Variants in OPHN1 observed in about 807,000 individuals in gnomAD.
The protein encoded by OPHN1 is oligophrenin 1.
A neutral mutation model predicts 60.7 loss-of-function variants in OPHN1; 11 were observed. That is an observed-to-expected ratio of 0.18 (90% CI 0.11 to 0.30). The LOEUF (loss-of-function observed/expected upper bound fraction) is 0.30. Ranked by LOEUF, OPHN1 falls within the 10% of genes least tolerant of loss-of-function variation. The pLI is 1.00. For missense variants in OPHN1, 449 were observed against 611.0 expected (o/e 0.73, Z 2.80); for synonymous variants, 226 against 222.6 (o/e 1.02, Z -0.14).
intron 15 of OPHN1, among the ~76,000 whole-genome samples, chrX:68,177,691 AAG>A (rs1777128410): frequency 9.0e-6 from 1 of 110,723 alleles, no homozygotes; most frequent in African/African-American, 3.3e-5. Context: ...GAATGGGAGG[AAG>A]AGAGAGAGTG....
chrX:68,084,344 A>AGGGGAGAGGGAAGAACGG (rs2076986952), intron 19 of OPHN1, among the ~76,000 whole-genome samples: 1 of 50,722 alleles, frequency 2.0e-5, no homozygotes, highest in African/African-American at 8.3e-5. Flanking sequence ...GGAGGGAGAG[A>AGGGGAGAGGGAAGAACGG]GGGGAGAGGG....
At chrX:68,269,142 C>G (rs927327135) in intron 5 of OPHN1, among the ~76,000 whole-genome samples, 3 of 111,432 alleles carry the variant, frequency 2.7e-5, no homozygotes, top group African/African-American at 9.8e-5. Flanking sequence ...GAATCAATAT[C>G]GTGAAAATGG....
At chrX:68,358,903 C>T (rs1741978796) in intron 2 of OPHN1, among the ~76,000 whole-genome samples, 1 of 111,653 alleles carries the variant, frequency 9.0e-6, no homozygotes, top group African/African-American at 3.3e-5. Context: ...TGGTTCAAAT[C>T]CAAGACTACC....
chrX:68,405,449 C>T (rs1467818333), intron 2 of OPHN1, among the ~76,000 whole-genome samples: 1 of 111,946 alleles, frequency 8.9e-6, no homozygotes, highest in Non-Finnish European at 1.9e-5. Context: ...CCTTGGCCTC[C>T]TAATGTGTTG....
chrX:68,388,745 T>A (rs939909434), intron 2 of OPHN1, among the ~76,000 whole-genome samples: 4 of 111,204 alleles, frequency 3.6e-5, no homozygotes, highest in African/African-American at 1.3e-4. Context: ...GGCATAGATA[T>A]AACAGATTGA....
At chrX:68,243,147 G>A (rs766417413) in intron 5 of OPHN1, among the ~76,000 whole-genome samples, 13 of 111,217 alleles carry the variant, frequency 1.2e-4, no homozygotes, top group Non-Finnish European at 1.9e-4. Context: ...TTACAGTCAT[G>A]AGCCAGCAAG....
chrX:68,153,085 C>A (rs1177555465), intron 15 of OPHN1, among the ~76,000 whole-genome samples: 3 of 107,836 alleles, frequency 2.8e-5, no homozygotes, highest in African/African-American at 1.0e-4. Flanking sequence ...GTGGCGGGTA[C>A]CTGTAGTCCC....
chrX:68,205,969 A>AGTGTGTGTGT (rs1178548038), intron 10 of OPHN1, among the ~76,000 whole-genome samples: 13 of 48,094 alleles, frequency 2.7e-4, no homozygotes, highest in African/African-American at 6.9e-4. Context: ...TGTGTGTGTG[A>AGTGTGTGTGT]GTGTGTGTGA....
At chrX:68,189,500 C>T (rs749460540) in intron 15 of OPHN1, among the ~76,000 whole-genome samples, 1 of 104,132 alleles carries the variant, frequency 9.6e-6, no homozygotes, top group Admixed American at 1.1e-4. Flanking sequence ...TGCTATCCCT[C>T]CCACCTCCCC....
intron 6 of OPHN1, among the ~76,000 whole-genome samples, chrX:68,230,257 G>C (rs1405877402): frequency 9.0e-6 from 1 of 111,152 alleles, no homozygotes; most frequent in African/African-American, 3.3e-5. Context: ...TAAAAAGTCA[G>C]GAAACAACAG....
intron 2 of OPHN1, among the ~76,000 whole-genome samples, chrX:68,333,889 GA>G (rs1274586705): frequency 2.1e-5 from 2 of 96,639 alleles, no homozygotes; most frequent in Non-Finnish European, 4.0e-5. Flanking sequence ...AATTTCAAAT[GA>G]ATTTTTTTTT....
intron 5 of OPHN1, among the ~76,000 whole-genome samples, chrX:68,271,475 C>T (rs1415828954): frequency 9.1e-6 from 1 of 110,309 alleles, no homozygotes. Flanking sequence ...GAGGTTGAGG[C>T]TGAAGTGAGC....
intron 6 of OPHN1, among the ~76,000 whole-genome samples, chrX:68,224,901 T>C (rs2077682193): frequency 9.0e-6 from 1 of 111,520 alleles, no homozygotes; most frequent in African/African-American, 3.3e-5. Context: ...GCCCACAGAG[T>C]GTCAGCCGAA....
intron 2 of OPHN1, among the ~76,000 whole-genome samples, chrX:68,376,851 T>C (rs773527003): frequency 9.0e-6 from 1 of 111,594 alleles, no homozygotes; most frequent in East Asian, 2.8e-4. Flanking sequence ...TCACAGGCAC[T>C]GTCCACAAGG....
intron 6 of OPHN1, among the ~76,000 whole-genome samples, chrX:68,228,581 T>A (rs1489746654): frequency 9.0e-6 from 1 of 111,679 alleles, no homozygotes. Context: ...GTTGGCTTCA[T>A]CCCTGGGCTG....
rs112027045 is a variant in OPHN1 at position 68,433,172 on chromosome X, T to G, written c.-9A>C. On this transcript the variant is annotated 5_prime_UTR_variant, in exon 1 of 25. Transcript: ENST00000355520. Reference sequence around the variant, plus strand: ...GTCCCTTTGGAGGACAGGTACCTGTTTCAGTGAGACTCCTGAGGAGCGCTG... The same window carrying G: ...GTCCCTTTGGAGGACAGGTACCTGTGTCAGTGAGACTCCTGAGGAGCGCTG... 1 of 567,456 alleles carries G rather than the reference T, an allele frequency of 1.8e-6. No individual in the cohort carries two copies. Among genetic ancestry groups the G allele is most frequent in the Non-Finnish European group, 2.7e-6 (1 of 369,891 alleles). 46.8% of individuals were successfully genotyped at this position (567,456 alleles called of 1,213,427 possible). A position where few individuals can be genotyped will look rare whatever the true frequency, so the allele number is the denominator to read the frequency against.
At chrX:68,135,197 A>G (rs1415233993) in intron 15 of OPHN1, among the ~76,000 whole-genome samples, 1 of 112,014 alleles carries the variant, frequency 8.9e-6, no homozygotes, top group African/African-American at 3.2e-5. Flanking sequence ...CTTATTAATG[A>G]ATATCTTTGA....
chrX:68,142,499 A>G (rs2077247643), intron 15 of OPHN1, among the ~76,000 whole-genome samples: 1 of 112,158 alleles, frequency 8.9e-6, no homozygotes, highest in Non-Finnish European at 1.9e-5. Flanking sequence ...ATAACTTATC[A>G]ACGTCTGCTT....
chrX:68,077,574 T>TG (rs977584987), intron 19 of OPHN1, among the ~76,000 whole-genome samples: 2 of 112,060 alleles, frequency 1.8e-5, no homozygotes, highest in Admixed American at 1.9e-4. Flanking sequence ...ATATATAGTA[T>TG]GATGTCATTA....
Sources: gnomAD v4.1 joint callset for allele counts (sites outside exome capture counted in the v4.1 genomes callset) on GRCh38, gnomAD v4.1.1 for gene constraint, MANE v1.5 for transcripts, NCBI Gene and HGNC (gene_info 2026-07-23, HGNC 2026-07-21) for gene names.